PHLDB2: variants seen among roughly 807,000 people sequenced by gnomAD.
PHLDB2 encodes the protein pleckstrin homology like domain family B member 2, also known as pleckstrin homology-like domain family B member 2.
PHLDB2 carries 71 observed loss-of-function variants against 123.6 expected under a neutral mutation model. The observed-to-expected ratio is 0.57, with a 90% CI of 0.47 to 0.70. PHLDB2 has a LOEUF of 0.70. Among genes scored for constraint, PHLDB2 ranks in the 30% least tolerant of loss-of-function variants. The pLI, the probability that PHLDB2 is intolerant of heterozygous loss-of-function variation, is 0.00. For missense variants in PHLDB2, 1,446 were observed against 1,519.5 expected (o/e 0.95, Z 0.80); for synonymous variants, 547 against 541.6 (o/e 1.01, Z -0.14).
At chr3:111,782,995 CT>C (rs1235883598) in intron 1 of PHLDB2, among the ~76,000 whole-genome samples, 1 of 151,850 alleles carries the variant, frequency 6.6e-6, no homozygotes, top group Non-Finnish European at 1.5e-5. Context: ...CCAGTTTTTC[CT>C]TTTTCTTCTT....
intron 5 of PHLDB2, among the ~76,000 whole-genome samples, chr3:111,929,348 G>A (rs1310904411): frequency 1.3e-5 from 2 of 152,054 alleles, no homozygotes; most frequent in East Asian, 3.9e-4. Flanking sequence ...TCAGTTTGGT[G>A]TTTGGAAAAT....
chr3:111,871,513 G>A (rs927619435), intron 1 of PHLDB2, among the ~76,000 whole-genome samples: 25 of 152,222 alleles, frequency 1.6e-4, no homozygotes, highest in African/African-American at 4.6e-4. Flanking sequence ...AAATAGCCAG[G>A]TGTGGTGGCC....
intron 2 of PHLDB2, among the ~76,000 whole-genome samples, chr3:111,890,393 C>T (rs2066410688): frequency 6.6e-6 from 1 of 152,206 alleles, no homozygotes; most frequent in Non-Finnish European, 1.5e-5. Flanking sequence ...TGTGTCTGGG[C>T]ATCCAGCCCA....
chr3:111,778,648 C>T (rs2060311350), intron 1 of PHLDB2, among the ~76,000 whole-genome samples: 1 of 152,032 alleles, frequency 6.6e-6, no homozygotes, highest in Admixed American at 6.6e-5. Context: ...GCAACTCGTG[C>T]TCTCATGTAA....
In PHLDB2 at chr3:111,884,470, T is replaced by C. The variant is rs1200311371; in HGVS notation, c.393T>C (p.Tyr131=). 6.2e-7 allele frequency: 1 copy of C among 1,614,180 alleles called. No homozygotes were observed. The highest frequency in any genetic ancestry group is 8.5e-7 in the Non-Finnish European group (1 of 1,180,016). Residue 131 remains tyrosine, a synonymous_variant, in exon 2 of 18, where the codon TAT becomes TAC. Coordinates refer to ENST00000431670, the MANE Select transcript of PHLDB2 (RefSeq NM_001134438.2). ...TTGGAAGAGCAGACTTTGATCATTA[T>C]ACTGGCCGGGACAGTGAAAGGGCCT... ...YPLGRADFDH[Y]TGRDSERALR... is the part of the protein sequence containing the mutation.
intron 1 of PHLDB2, among the ~76,000 whole-genome samples, chr3:111,864,496 G>A (rs979590732): frequency 6.6e-6 from 1 of 152,078 alleles, no homozygotes; most frequent in East Asian, 1.9e-4. Flanking sequence ...TTTTCATGAC[G>A]CTTAAGGATG....
At chr3:111,937,889 A>G (rs1043290417) in intron 6 of PHLDB2, among the ~76,000 whole-genome samples, 6 of 152,206 alleles carry the variant, frequency 3.9e-5, no homozygotes, top group South Asian at 2.1e-4. Context: ...AACAAAAAGT[A>G]TATTAGAGAA....
rs567311760 is a variant in PHLDB2 at position 111,808,473 on chromosome 3, G to A, written c.-48-37348G>A. Among the ~76,000 whole-genome samples, 30 of 147,744 alleles carry A rather than the reference G, an allele frequency of 2.0e-4. No individual in the cohort carries two copies. In the South Asian group the frequency reaches 6.6e-3, roughly 33 times the overall value. On this transcript the variant is annotated intron_variant, in intron 1 of 17. Coordinates refer to the PHLDB2 transcript ENST00000393923. ...TTTGAGTCCTCGGTCAGAGCTGGGT[G>A]TTTAAACATATATTCTGGGTTTTTT...
chr3:111,759,815 T>C (rs2059963424), intron 1 of PHLDB2, among the ~76,000 whole-genome samples: 1 of 152,146 alleles, frequency 6.6e-6, no homozygotes, highest in Admixed American at 6.5e-5. Context: ...TGGATTTGAG[T>C]TTCTCTCTTT....
intron 1 of PHLDB2, among the ~76,000 whole-genome samples, chr3:111,839,145 A>G (rs1437013054): frequency 6.6e-6 from 1 of 152,170 alleles, no homozygotes; most frequent in Non-Finnish European, 1.5e-5. Context: ...GCAAGTGAGG[A>G]TAAATTAGCC....
chr3:111,910,890 C>A (rs1043361567), intron 2 of PHLDB2, among the ~76,000 whole-genome samples: 10 of 152,162 alleles, frequency 6.6e-5, no homozygotes, highest in Non-Finnish European at 1.3e-4. Context: ...ACCTGGTTTT[C>A]TTTTAAACTC....
intron 1 of PHLDB2, among the ~76,000 whole-genome samples, chr3:111,781,179 C>T (rs549969172): frequency 2.4e-4 from 37 of 152,100 alleles, no homozygotes; most frequent in African/African-American, 8.7e-4. Context: ...AAACTAAATG[C>T]CTTAAAATTT....
intron 1 of PHLDB2, among the ~76,000 whole-genome samples, chr3:111,793,291 G>A (rs1359209039): frequency 3.9e-5 from 6 of 152,044 alleles, no homozygotes; most frequent in Non-Finnish European, 1.5e-5. Flanking sequence ...CTCAAGCAGG[G>A]GAGACTCTTC....
chr3:111,748,928 C>T (rs1434389438), intron 1 of PHLDB2, among the ~76,000 whole-genome samples: 1 of 151,902 alleles, frequency 6.6e-6, no homozygotes, highest in African/African-American at 2.4e-5. Flanking sequence ...CCAAGTCATA[C>T]TCTAAACATG....
chr3:111,927,455 A>T (rs1004099276), intron 5 of PHLDB2, among the ~76,000 whole-genome samples: 1 of 152,234 alleles, frequency 6.6e-6, no homozygotes, highest in South Asian at 2.1e-4. Flanking sequence ...ACCTGACCGC[A>T]TATCTAATGA....
intron 1 of PHLDB2, among the ~76,000 whole-genome samples, chr3:111,844,590 C>T (rs2063856771): frequency 6.6e-6 from 1 of 152,202 alleles, no homozygotes; most frequent in Admixed American, 6.5e-5. Context: ...CATCTCTCCC[C>T]TGAATTATTG....
intron 1 of PHLDB2, among the ~76,000 whole-genome samples, chr3:111,759,619 T>C (rs939375487): frequency 6.6e-6 from 1 of 152,160 alleles, no homozygotes; most frequent in African/African-American, 2.4e-5. Flanking sequence ...TTGCACCAAA[T>C]GGTTTCAAGA....
At chr3:111,928,998 A>G (rs1305314222) in intron 5 of PHLDB2, among the ~76,000 whole-genome samples, 2 of 152,212 alleles carry the variant, frequency 1.3e-5, no homozygotes, top group Non-Finnish European at 2.9e-5. Flanking sequence ...GCAGTGGCTC[A>G]TGCCTATAAT....
intron 1 of PHLDB2, among the ~76,000 whole-genome samples, chr3:111,826,599 T>C (rs1306875337): frequency 6.6e-6 from 1 of 152,210 alleles, no homozygotes; most frequent in Non-Finnish European, 1.5e-5. Context: ...TTCTATCAGG[T>C]AAGTAGAGTT....
Sources: allele counts gnomAD v4.1 joint callset (sites outside exome capture counted in the v4.1 genomes callset), GRCh38; gene constraint gnomAD v4.1.1; transcripts MANE v1.5; gene names NCBI Gene and HGNC (gene_info 2026-07-23, HGNC 2026-07-21).